Variants in LRRC2 observed in about 807,000 individuals in gnomAD.
The protein encoded by LRRC2 is leucine rich repeat containing 2.
A neutral mutation model predicts 40.2 loss-of-function variants in LRRC2; 27 were observed. The observed-to-expected ratio is 0.67, with a 90% confidence interval of 0.49 to 0.93. The LOEUF is 0.93. LRRC2 is among the 40% of genes least tolerant of loss of function. The pLI, the probability that LRRC2 is intolerant of heterozygous loss-of-function variation, is 0.00. For synonymous variants in LRRC2, 147 were observed against 158.9 expected, an observed-to-expected ratio of 0.92 and a Z score of 0.56; for missense variants, 402 against 439.6, an observed-to-expected ratio of 0.91 and a Z score of 0.76.
rs1703964547 is a variant in LRRC2, at chr3:46,521,548, G to T, written c.1040C>A (p.Ala347Asp). The change falls in exon 8 of 9, where the codon GCC (alanine) becomes GAC (aspartate). Residue 347 changes from alanine (A) to aspartate (D), a missense_variant. Transcript: ENST00000395905. ...TCTTTCTTTAAGGTCTTCAATATAG[G>T]CTTTCATAACTTCTTTATCAAAATG... The part of the protein sequence containing the change: ...RQHFDKEVMK[A>D]YIEDLKERES... 1 of 1,610,766 alleles carries T rather than the reference G, an allele frequency of 6.2e-7. No homozygotes were observed. Among genetic ancestry groups the T allele is most frequent in the Non-Finnish European group, 8.5e-7 (1 of 1,178,564 alleles).
At chr3:46,551,661 G>T in intron 1 of LRRC2, 51 bp from the exon 2 acceptor site, 2 of 1,263,878 alleles carry the variant, frequency 1.6e-6, no homozygotes, top group Non-Finnish European at 2.1e-6. Context: ...ACAGAAAACA[G>T]TTTTAACATA....
rs1704082428 is a variant in LRRC2 at position 46,527,565 on chromosome 3, T to C, written c.790A>G (p.Ser264Gly). ...QDIDRLEELQ[S>G]FLLYKNKLTY... Reference sequence around the variant, plus strand: ...AACTTGTTTTTATACAAGAGAAAGCTCTGCAGCTCCTCTAGCCTAAGAAGA... The same window carrying C: ...AACTTGTTTTTATACAAGAGAAAGCCCTGCAGCTCCTCTAGCCTAAGAAGA... The change falls in exon 7 of 9, where the codon AGC becomes GGC. Residue 264 changes from serine (S) to glycine (G), a missense_variant. By Grantham distance (56) the Ser-to-Gly change is moderately conservative. Coordinates refer to ENST00000395905, the MANE Select transcript of LRRC2 (RefSeq NM_024512.5). 6.2e-7 allele frequency: 1 copy of C among 1,613,994 alleles called. No homozygotes were observed. Among genetic ancestry groups the C allele is most frequent in the Non-Finnish European group, 8.5e-7 (1 of 1,179,914 alleles).
chr3:46,538,807 G>A (rs1231987487), intron 4 of LRRC2, among the ~76,000 whole-genome samples: 1 of 152,212 alleles, frequency 6.6e-6, no homozygotes, highest in East Asian at 1.9e-4. Context: ...TGAAACTTCT[G>A]GTTTCTGAGC....
intron 3 of LRRC2, among the ~76,000 whole-genome samples, chr3:46,539,784 C>G (rs985223984): frequency 6.6e-6 from 1 of 152,210 alleles, no homozygotes. Context: ...AACTCAGTGT[C>G]CAAGGCCTCC....
At position 46,521,019 on chromosome 3, in the gene LRRC2, G is replaced by A. The variant is rs189346591; in HGVS notation, c.1066+503C>T. Among the ~76,000 whole-genome samples the A allele has an allele frequency of 1.2e-4, 18 of 152,094 alleles. No homozygotes were observed. The East Asian group carries it at 2.7e-3, about 23-fold the overall frequency. On this transcript the variant is annotated intron_variant, in intron 8 of 8. Coordinates refer to ENST00000395905, the MANE Select transcript of LRRC2 (RefSeq NM_024512.5). ...TTTCCTGAGGTACTTGACCCCCCTCGCCCCTCTGTATTCTCACCACCCTAT... is the reference window on the plus strand; with the variant it reads ...TTTCCTGAGGTACTTGACCCCCCTCACCCCTCTGTATTCTCACCACCCTAT...
Position 46,549,516 on chromosome 3 carries a change from G to T in LRRC2, c.125+1951C>A, listed in dbSNP as rs116403281. Among the ~76,000 whole-genome samples the T allele has an allele frequency of 4.1e-3, 618 of 152,100 alleles. 1 individual carries two copies. The highest frequency in any genetic ancestry group is 6.0e-3 in the Non-Finnish European group (408 of 68,008). ...CTTGGTGGCTGTTTTCCTTATCTTG[G>T]GCTAGAAAAGCCAAACAAATATCCA... On this transcript the variant is annotated intron_variant, in intron 2 of 8. Coordinates refer to ENST00000395905, the MANE Select transcript of LRRC2 (RefSeq NM_024512.5).
chr3:46,519,836 G>C (rs774766317), intron 8 of LRRC2, among the ~76,000 whole-genome samples: 7 of 152,136 alleles, frequency 4.6e-5, no homozygotes, highest in Admixed American at 6.5e-5. Flanking sequence ...GGGAAAGAAG[G>C]AAAACAGGGA....
At chr3:46,528,648 A>G (rs1007567473) in intron 6 of LRRC2, among the ~76,000 whole-genome samples, 7 of 152,286 alleles carry the variant, frequency 4.6e-5, no homozygotes, top group African/African-American at 1.7e-4. Flanking sequence ...CAAATATTTC[A>G]TAAAGTTCCC....
chr3:46,518,863 G>C lies in LRRC2; in HGVS notation c.*151C>G, dbSNP rs1471735750. On this transcript the variant is annotated 3_prime_UTR_variant, in exon 9 of 9. Coordinates refer to ENST00000395905, the MANE Select transcript of LRRC2 (RefSeq NM_024512.5). ...CATGGAGGGAGATACTCATGTATTT[G>C]ACATTTGAAAACCATTTTTTTTAGC... is the stretch of plus-strand genomic sequence containing the variant. 1.6e-6 allele frequency: 1 copy of C among 625,916 alleles called. No homozygotes were observed. The highest frequency in any genetic ancestry group is 2.2e-5 in the South Asian group (1 of 46,450). The allele number at this position is 625,916 out of a possible 1,614,324, so 38.8% of individuals were successfully genotyped here. A position where few individuals can be genotyped will look rare whatever the true frequency, so the allele number is the denominator to read the frequency against.
At position 46,530,019 on chromosome 3, in the gene LRRC2, T is replaced by C. The variant is rs201360476; in HGVS notation, c.659A>G (p.Asp220Gly). 4 of 1,613,416 alleles carry C rather than the reference T, an allele frequency of 2.5e-6. No individual in the cohort carries two copies. The highest frequency in any genetic ancestry group is 2.7e-5 in the African/African-American group (2 of 74,902). Residue 220 changes from aspartate to glycine, a missense_variant, in exon 6 of 9, where the codon GAT becomes GGT. Physicochemically the swap from Asp to Gly is moderately conservative, Grantham distance 94 (BLOSUM62 -1). Coordinates refer to ENST00000395905, the MANE Select transcript of LRRC2 (RefSeq NM_024512.5). ...LSNLKQVTFV[D>G]ISANKFSSVP... Reference sequence around the variant, plus strand: ...ACTGGAAAACTTGTTTGCTGAGATATCTACAAATGTAACTTGCTTCAAATT... The same window carrying C: ...ACTGGAAAACTTGTTTGCTGAGATACCTACAAATGTAACTTGCTTCAAATT...
At chr3:46,538,917 G>A (rs140324122) in intron 4 of LRRC2, 128 bp downstream of exon 4, 15 of 981,080 alleles carry the variant, frequency 1.5e-5, no homozygotes, top group Admixed American at 7.9e-5. Context: ...GCCTCCAAAC[G>A]GCCCTGCCCA....
At chr3:46,533,601 A>C (rs906414710) in intron 4 of LRRC2, among the ~76,000 whole-genome samples, 2 of 152,224 alleles carry the variant, frequency 1.3e-5, no homozygotes, top group African/African-American at 4.8e-5. Context: ...AAAATCATCC[A>C]ACATAAAGCC....
rs1274717826 is a variant in LRRC2, at chr3:46,522,408, TAAATAAATAAAC to T, written c.930-762_930-751del. On this transcript the variant is annotated intron_variant, in intron 7 of 8. Coordinates refer to ENST00000395905, the MANE Select transcript of LRRC2 (RefSeq NM_024512.5). ...ATAAATAAATAAATAAATAAATAAATAAATAAATAAACAAACGATAGGACAGGAACAGAGGCT... is the reference window on the plus strand; with the variant it reads ...ATAAATAAATAAATAAATAAATAAATAAACGATAGGACAGGAACAGAGGCT... Among the ~76,000 whole-genome samples the T allele has an allele frequency of 5.2e-3, 773 of 148,578 alleles. 8 individuals are homozygous for T. The highest frequency in any genetic ancestry group is 0.017 in the African/African-American group (668 of 40,412).
intron 8 of LRRC2, 54 bp downstream of exon 8, chr3:46,521,468 A>G: frequency 7.3e-7 from 1 of 1,367,854 alleles, no homozygotes; most frequent in Non-Finnish European, 9.8e-7. Flanking sequence ...AATGTATTAC[A>G]TAAGTGGACG....
In LRRC2 at chr3:46,517,507, T is replaced by G. The variant is rs1703886497; in HGVS notation, c.*1507A>C. The G allele has an allele frequency of 6.6e-6, 1 of 151,986 alleles. No homozygotes were observed. Among genetic ancestry groups the G allele is most frequent in the East Asian group, 1.9e-4 (1 of 5,174 alleles). 9.4% of individuals were successfully genotyped at this position (151,986 alleles called of 1,614,324 possible). On this transcript the variant is annotated 3_prime_UTR_variant, in exon 9 of 9. Coordinates refer to ENST00000395905, the MANE Select transcript of LRRC2 (RefSeq NM_024512.5). Reference sequence around the variant, plus strand: ...ACCTGGCTAATTTTTTGAATTTTTTTGTGGAGATGGGGTTTCGTCATGATG... The same window carrying G: ...ACCTGGCTAATTTTTTGAATTTTTTGGTGGAGATGGGGTTTCGTCATGATG...
In LRRC2 at chr3:46,560,818, C is replaced by T. The variant is rs1043526391; in HGVS notation, c.-20+5359G>A. Among the ~76,000 whole-genome samples, 4 of 152,278 alleles carry T rather than the reference C, an allele frequency of 2.6e-5. No individual in the cohort carries two copies. The East Asian group carries it at 7.7e-4, about 29-fold the overall frequency. ...CTGCAATGATGAGACAGAAGGAGAA[C>T]GGTGGCATCTCTCACTGTAAAGGAA... is the stretch of plus-strand genomic sequence containing the variant. On this transcript the variant is annotated intron_variant, in intron 1 of 8. Coordinates refer to ENST00000395905, the MANE Select transcript of LRRC2 (RefSeq NM_024512.5).
chr3:46,554,270 C>A (rs1278085282), intron 1 of LRRC2, among the ~76,000 whole-genome samples: 1 of 60,586 alleles, frequency 1.7e-5, no homozygotes, highest in African/African-American at 6.6e-5. Context: ...ATCCACCCAC[C>A]TAGGCCTCCC....
intron 3 of LRRC2, among the ~76,000 whole-genome samples, chr3:46,543,680 A>C (rs1326090493): frequency 6.6e-6 from 1 of 151,688 alleles, no homozygotes; most frequent in East Asian, 1.9e-4. Context: ...AATGATTTTC[A>C]AAAGGTAGAT....
chr3:46,526,143 G>A (rs984275926), intron 7 of LRRC2, among the ~76,000 whole-genome samples: 3 of 151,898 alleles, frequency 2.0e-5, no homozygotes, highest in Admixed American at 6.6e-5. Context: ...TAGTAGAGAC[G>A]GGGTTTCACC....
Sources: gnomAD v4.1 joint callset for allele counts (sites outside exome capture counted in the v4.1 genomes callset) on GRCh38, gnomAD v4.1.1 for gene constraint, MANE v1.5 for transcripts, NCBI Gene and HGNC (gene_info 2026-07-23, HGNC 2026-07-21) for gene names.